The following DAB1 variants were observed in gnomAD, a reference collection of about 807,000 sequenced individuals.
DAB1 encodes disabled homolog 1.
In DAB1, 15 loss-of-function variants were observed where a neutral mutation model predicts 64.6. The observed-to-expected ratio is 0.23, with a 90% CI of 0.16 to 0.36. The LOEUF (loss-of-function observed/expected upper bound fraction) is 0.36, where lower values mean the gene tolerates loss of function less well. Among genes scored for constraint, DAB1 ranks in the 10% least tolerant of loss-of-function variants. The pLI is 1.00. For synonymous variants in DAB1, 235 were observed against 251.9 expected, an observed-to-expected ratio of 0.93 and a Z score of 0.64; for missense variants, 596 against 706.7, an observed-to-expected ratio of 0.84 and a Z score of 1.78.
intron 6 of DAB1, among the ~76,000 whole-genome samples, chr1:57,757,359 G>A (rs1441904611): frequency 6.6e-6 from 1 of 151,918 alleles, no homozygotes; most frequent in African/African-American, 2.4e-5. Context: ...AAAACTGGGT[G>A]GCTTAAAACA....
chr1:57,644,392 G>A (rs1490549283), intron 7 of DAB1, among the ~76,000 whole-genome samples: 3 of 152,154 alleles, frequency 2.0e-5, no homozygotes, highest in African/African-American at 7.2e-5. Context: ...ACAGAAAAGG[G>A]AGTCATAGAG....
intron 2 of DAB1, among the ~76,000 whole-genome samples, chr1:57,259,545 C>G (rs1481229248): frequency 6.6e-6 from 1 of 152,080 alleles, no homozygotes; most frequent in Non-Finnish European, 1.5e-5. Flanking sequence ...AAATGAGGGG[C>G]AGCGCAGGTT....
At chr1:57,299,710 A>C (rs1466287135) in intron 1 of DAB1, among the ~76,000 whole-genome samples, 1 of 152,250 alleles carries the variant, frequency 6.6e-6, no homozygotes, top group Non-Finnish European at 1.5e-5. Context: ...CTAATTTTAC[A>C]AAAACATATC....
At chr1:58,505,442 A>C (rs112340683) in intron 3 of DAB1, among the ~76,000 whole-genome samples, 3 of 152,276 alleles carry the variant, frequency 2.0e-5, no homozygotes, top group African/African-American at 7.2e-5. Flanking sequence ...AAACATTCTG[A>C]ATGATGTCAA....
chr1:58,470,825 C>T (rs1053760988), intron 3 of DAB1, among the ~76,000 whole-genome samples: 1 of 152,110 alleles, frequency 6.6e-6, no homozygotes, highest in African/African-American at 2.4e-5. Flanking sequence ...GAGCTCCCTA[C>T]TCGGCTGCCC....
chr1:57,992,714 T>C (rs1204232903), intron 5 of DAB1, among the ~76,000 whole-genome samples: 1 of 152,156 alleles, frequency 6.6e-6, no homozygotes, highest in African/African-American at 2.4e-5. Context: ...GCATTTTACA[T>C]GGAATTTTAG....
At chr1:57,313,067 G>A (rs1293127143) in intron 1 of DAB1, among the ~76,000 whole-genome samples, 1 of 152,176 alleles carries the variant, frequency 6.6e-6, no homozygotes, top group Non-Finnish European at 1.5e-5. Context: ...CGTTATCCAG[G>A]AGCAGATGGG....
At chr1:57,709,302 T>C (rs1324677763) in intron 6 of DAB1, among the ~76,000 whole-genome samples, 1 of 152,222 alleles carries the variant, frequency 6.6e-6, no homozygotes, top group Non-Finnish European at 1.5e-5. Flanking sequence ...TTAATGACTA[T>C]AGTTTACATT....
At chr1:57,030,013 A>G (rs1289169144) in intron 9 of DAB1, among the ~76,000 whole-genome samples, 2 of 152,124 alleles carry the variant, frequency 1.3e-5, no homozygotes, top group Non-Finnish European at 2.9e-5. Context: ...GGGCAGAATG[A>G]TATGGTTTGG....
intron 4 of DAB1, among the ~76,000 whole-genome samples, chr1:58,184,059 C>G (rs1656939981): frequency 1.3e-5 from 2 of 151,966 alleles, no homozygotes; most frequent in Non-Finnish European, 2.9e-5. Flanking sequence ...TTCAGCTTGC[C>G]CAGCCATTAT....
chr1:57,445,067 A>G (rs185957290), intron 7 of DAB1, among the ~76,000 whole-genome samples: 1 of 152,236 alleles, frequency 6.6e-6, no homozygotes, highest in Admixed American at 6.5e-5. Flanking sequence ...TTATTAACTT[A>G]TACTGAAATG....
chr1:58,408,938 G>A (rs1333057462), intron 3 of DAB1, among the ~76,000 whole-genome samples: 1 of 152,136 alleles, frequency 6.6e-6, no homozygotes, highest in East Asian at 1.9e-4. Flanking sequence ...AAAAAGTTCT[G>A]GGGGGAACAC....
intron 5 of DAB1, among the ~76,000 whole-genome samples, chr1:57,979,825 C>T (rs2100337237): frequency 6.6e-6 from 1 of 152,256 alleles, no homozygotes; most frequent in South Asian, 2.1e-4. Flanking sequence ...ATTTTGATTC[C>T]CCTAATTCCT....
At chr1:57,599,365 C>T (rs1209910574) in intron 7 of DAB1, among the ~76,000 whole-genome samples, 2 of 152,040 alleles carry the variant, frequency 1.3e-5, no homozygotes, top group Non-Finnish European at 1.5e-5. Context: ...AGCAGGGCTA[C>T]ACACTCCACT....
intron 3 of DAB1, among the ~76,000 whole-genome samples, chr1:58,356,959 G>A (rs890409607): frequency 9.5e-5 from 14 of 146,656 alleles, no homozygotes; most frequent in Non-Finnish European, 2.1e-4. Context: ...CCAGGGAGTT[G>A]AGGCTGTAGT....
chr1:58,424,808 A>T (rs1644805609), intron 3 of DAB1, among the ~76,000 whole-genome samples: 1 of 152,108 alleles, frequency 6.6e-6, no homozygotes, highest in African/African-American at 2.4e-5. Flanking sequence ...CTTGGGGACC[A>T]GTCAAACATT....
intron 9 of DAB1, among the ~76,000 whole-genome samples, chr1:57,031,703 CT>C (rs1646970503): frequency 6.6e-6 from 1 of 152,234 alleles, no homozygotes; most frequent in South Asian, 2.1e-4. Context: ...GGAAGTCCAG[CT>C]CTACAACATT....
At chr1:57,227,408 A>G (rs886258542) in intron 2 of DAB1, among the ~76,000 whole-genome samples, 15 of 152,310 alleles carry the variant, frequency 9.8e-5, no homozygotes, top group Non-Finnish European at 1.5e-5. Flanking sequence ...CAGTAAAACA[A>G]AATAGATAAT....
chr1:58,429,436 A>C (rs991552212), intron 3 of DAB1, among the ~76,000 whole-genome samples: 2 of 152,238 alleles, frequency 1.3e-5, no homozygotes, highest in African/African-American at 4.8e-5. Flanking sequence ...GAGACAGAGC[A>C]GGACAGTCAG....
Sources: gnomAD v4.1 joint callset for allele counts (sites outside exome capture counted in the v4.1 genomes callset) on GRCh38, gnomAD v4.1.1 for gene constraint, MANE v1.5 for transcripts, NCBI Gene and HGNC (gene_info 2026-07-23, HGNC 2026-07-21) for gene names.